The following FAM227B variants were observed in gnomAD, a reference collection of about 807,000 sequenced individuals.
The protein encoded by FAM227B is family with sequence similarity 227 member B.
In FAM227B, 88 loss-of-function variants were observed where a neutral mutation model predicts 73.8. The observed-to-expected ratio is 1.19, with a 90% CI of 1.00 to 1.42. FAM227B has a LOEUF of 1.42. FAM227B is among the 40% of genes most tolerant of loss of function. The probability of loss-of-function intolerance (pLI) is 0.00; values close to 1 mark genes in which losing one functional copy is unlikely to be tolerated. For missense variants in FAM227B, 632 were observed against 590.9 expected (o/e 1.07, Z -0.72); for synonymous variants, 210 against 190.5 (o/e 1.10, Z -0.84).
At chr15:49,367,338 C>A (rs2045375842) in intron 13 of FAM227B, 110 bp downstream of exon 13, 7 of 977,062 alleles carry the variant, frequency 7.2e-6, no homozygotes, top group Admixed American at 2.9e-5. Context: ...TAAACAGAAG[C>A]ATTGATAAAA....
chr15:49,616,325 A>T (rs564474632), intron 1 of FAM227B, among the ~76,000 whole-genome samples: 60 of 152,324 alleles, frequency 3.9e-4, no homozygotes, highest in South Asian at 3.5e-3. Context: ...ATACACACAG[A>T]TATTTTATCT....
intron 11 of FAM227B, among the ~76,000 whole-genome samples, chr15:49,446,419 G>GT (rs2052218311): frequency 6.6e-6 from 1 of 151,558 alleles, no homozygotes; most frequent in Admixed American, 6.6e-5. Context: ...AAATAATTTG[G>GT]TAAGTTACGA....
chr15:49,428,478 A>G (rs1168868589), intron 11 of FAM227B, among the ~76,000 whole-genome samples: 1 of 151,978 alleles, frequency 6.6e-6, no homozygotes, highest in Non-Finnish European at 1.5e-5. Flanking sequence ...CATGGGGACA[A>G]GATCAGAGGG....
chr15:49,552,323 T>C (rs1323964366), intron 9 of FAM227B, among the ~76,000 whole-genome samples: 2 of 152,186 alleles, frequency 1.3e-5, no homozygotes, highest in African/African-American at 4.8e-5. Flanking sequence ...TTCTGGCCTA[T>C]AAGGTTTCCA....
intron 11 of FAM227B, among the ~76,000 whole-genome samples, chr15:49,385,515 C>T (rs1476482472): frequency 2.7e-5 from 4 of 150,936 alleles, no homozygotes; most frequent in Middle Eastern, 3.4e-3. Flanking sequence ...GGGTTCTAAG[C>T]CTTAAAACAA....
intron 11 of FAM227B, among the ~76,000 whole-genome samples, chr15:49,421,350 A>G (rs2049610535): frequency 6.6e-6 from 1 of 152,228 alleles, no homozygotes; most frequent in Admixed American, 6.5e-5. Context: ...TGATAATCAA[A>G]GAATTTAAAC....
intron 11 of FAM227B, among the ~76,000 whole-genome samples, chr15:49,456,916 A>G (rs1194361588): frequency 1.3e-5 from 2 of 152,112 alleles, no homozygotes; most frequent in African/African-American, 2.4e-5. Flanking sequence ...ATTCAATCCA[A>G]TTTAATTTTT....
chr15:49,352,626 A>G (rs2042414160), intron 13 of FAM227B, among the ~76,000 whole-genome samples: 1 of 152,226 alleles, frequency 6.6e-6, no homozygotes, highest in Admixed American at 6.5e-5. Context: ...TATGTTTAAC[A>G]ATATTGAGAG....
intron 2 of FAM227B, 125 bp from the exon 3 acceptor site, chr15:49,611,393 A>G: frequency 1.9e-6 from 1 of 534,096 alleles, no homozygotes; most frequent in Admixed American, 3.3e-5. Flanking sequence ...AAGATATCAT[A>G]AAATGCTCAC....
In FAM227B at chr15:49,405,387, C is replaced by T. The variant is rs76541289; in HGVS notation, c.1013-33988G>A. Among the ~76,000 whole-genome samples, 3 of 152,284 alleles carry T rather than the reference C, an allele frequency of 2.0e-5. No homozygotes were observed. The East Asian group carries it at 5.8e-4, about 29-fold the overall frequency. On this transcript the variant is annotated intron_variant, in intron 11 of 15. Transcript: ENST00000299338. ...ACTCACCCCATCTCTTTTGGGGACA[C>T]CAATGAGTCATAGAGTTGGTTTCTT... is the stretch of plus-strand genomic sequence containing the variant.
intron 11 of FAM227B, among the ~76,000 whole-genome samples, chr15:49,473,276 A>T (rs1336656288): frequency 1.3e-5 from 2 of 152,178 alleles, no homozygotes; most frequent in Non-Finnish European, 2.9e-5. Context: ...TCACTATTAT[A>T]TAAATAAGTT....
At chr15:49,504,265 G>C (rs545518750) in intron 11 of FAM227B, among the ~76,000 whole-genome samples, 2 of 138,414 alleles carry the variant, frequency 1.4e-5, no homozygotes, top group South Asian at 4.9e-4. Context: ...ATCACACCCC[G>C]GGGCCTGTTG....
At chr15:49,588,746 ATG>A (rs947797920) in intron 4 of FAM227B, among the ~76,000 whole-genome samples, 4 of 150,732 alleles carry the variant, frequency 2.7e-5, no homozygotes, top group Admixed American at 2.0e-4. Flanking sequence ...AGCTATATAT[ATG>A]TGTGTGTATT....
intron 11 of FAM227B, among the ~76,000 whole-genome samples, chr15:49,473,043 A>T (rs1322592905): frequency 6.6e-6 from 1 of 152,220 alleles, no homozygotes; most frequent in Non-Finnish European, 1.5e-5. Context: ...TCATGTTTCC[A>T]AAGGTACTTG....
chr15:49,600,666 A>T (rs987947070), intron 3 of FAM227B, among the ~76,000 whole-genome samples: 104 of 151,412 alleles, frequency 6.9e-4, no homozygotes, highest in African/African-American at 2.5e-3. Context: ...AAAAAAAAAA[A>T]AAAATCCAGC....
rs1232384202 is a variant in FAM227B at position 49,576,804 on chromosome 15, C to T, written c.483G>A (p.Gln161=). 2 of 1,613,038 alleles carry T rather than the reference C, an allele frequency of 1.2e-6. No homozygotes were observed. The highest frequency in any genetic ancestry group is 1.3e-5 in the African/African-American group (1 of 74,870). The change falls in exon 7 of 16, where the codon CAG becomes CAA. Residue 161 remains glutamine (Q), a synonymous_variant. Coordinates refer to ENST00000299338, the MANE Select transcript of FAM227B (RefSeq NM_152647.3). ...GTTCAGCATCCAAATGTCTGGGTAG[C>T]TGAGTAAGTTCATTTGCTTTGAATC... ...FTGFKANELT[Q]LPRHLDAEQI...
At chr15:49,345,483 A>C (rs564707010) in intron 13 of FAM227B, among the ~76,000 whole-genome samples, 19 of 152,302 alleles carry the variant, frequency 1.2e-4, no homozygotes, top group African/African-American at 4.6e-4. Flanking sequence ...TATTCTTTTT[A>C]GACACTTATA....
At chr15:49,436,123 C>T (rs549931440) in intron 11 of FAM227B, among the ~76,000 whole-genome samples, 69 of 151,636 alleles carry the variant, frequency 4.6e-4, no homozygotes, top group South Asian at 1.7e-3. Context: ...TAAATTCTAA[C>T]TGTTTTAAAA....
At chr15:49,421,197 A>G (rs1011409727) in intron 11 of FAM227B, among the ~76,000 whole-genome samples, 2 of 152,244 alleles carry the variant, frequency 1.3e-5, no homozygotes, top group African/African-American at 4.8e-5. Flanking sequence ...ACAGTTGCCT[A>G]AAGTTATTCT....
Sources: allele counts gnomAD v4.1 joint callset (sites outside exome capture counted in the v4.1 genomes callset), GRCh38; gene constraint gnomAD v4.1.1; transcripts MANE v1.5; gene names NCBI Gene and HGNC (gene_info 2026-07-23, HGNC 2026-07-21).